The following PLPPR1 variants were observed in gnomAD, a reference collection of about 807,000 sequenced individuals.
The protein encoded by PLPPR1 is phospholipid phosphatase related 1.
Under a neutral mutation model 33.1 loss-of-function variants are expected in PLPPR1, and 10 were observed. That is an observed-to-expected ratio of 0.30 (90% CI 0.19 to 0.51). The LOEUF is 0.51. Ranked by LOEUF, PLPPR1 falls within the 20% of genes least tolerant of loss-of-function variation. The probability of loss-of-function intolerance (pLI) is 0.97; values close to 1 mark genes in which losing one functional copy is unlikely to be tolerated. For missense variants in PLPPR1, 304 were observed against 408.1 expected (o/e 0.74, Z 2.20); for synonymous variants, 151 against 151.0 (o/e 1.00, Z 0.00).
intron 2 of PLPPR1, among the ~76,000 whole-genome samples, chr9:101,264,378 C>A (rs1827949370): frequency 6.6e-6 from 1 of 152,116 alleles, no homozygotes; most frequent in Non-Finnish European, 1.5e-5. Flanking sequence ...CACCACACAG[C>A]CCTCTCCTTC....
rs577393134 is a variant in PLPPR1, at chr9:101,036,655, A to C, written c.-46+7553A>C. 6.7e-5 allele frequency among the ~76,000 whole-genome samples: 10 copies of C among 149,850 alleles called. No homozygotes were observed. The South Asian group carries it at 2.2e-3, about 32-fold the overall frequency. ...TGAAGATTTGAGGTCAGAAGGTAGA[A>C]TGGCCAAGCTTGGAAGGTAGAATGA... On this transcript the variant is annotated intron_variant, in intron 1 of 7. Coordinates refer to ENST00000374874, the MANE Select transcript of PLPPR1 (RefSeq NM_207299.2).
chr9:101,244,197 G>T (rs1449048888), intron 2 of PLPPR1, among the ~76,000 whole-genome samples: 1 of 151,878 alleles, frequency 6.6e-6, no homozygotes, highest in Non-Finnish European at 1.5e-5. Flanking sequence ...GAGAAGAGTG[G>T]AGGAAGTCAA....
At chr9:101,304,033 T>G (rs1420499257) in intron 4 of PLPPR1, among the ~76,000 whole-genome samples, 18 of 151,702 alleles carry the variant, frequency 1.2e-4, no homozygotes, top group Non-Finnish European at 1.0e-4. Context: ...TACTCTAAGG[T>G]TTTTTTTATT....
intron 1 of PLPPR1, among the ~76,000 whole-genome samples, chr9:101,122,723 T>C (rs1474837744): frequency 6.6e-6 from 1 of 152,170 alleles, no homozygotes; most frequent in African/African-American, 2.4e-5. Context: ...AAATACTCTG[T>C]TCTAAATATG....
At chr9:101,079,055 G>A (rs547018965) in intron 1 of PLPPR1, among the ~76,000 whole-genome samples, 14 of 152,236 alleles carry the variant, frequency 9.2e-5, no homozygotes, top group Non-Finnish European at 1.9e-4. Context: ...ATTTTAATAT[G>A]TTGGTGAGGA....
chr9:101,204,859 A>G (rs759192828), intron 2 of PLPPR1, among the ~76,000 whole-genome samples: 4 of 152,050 alleles, frequency 2.6e-5, no homozygotes, highest in East Asian at 3.9e-4. Context: ...GTAAGACTCA[A>G]TTTTACTAGG....
intron 7 of PLPPR1, among the ~76,000 whole-genome samples, chr9:101,323,432 C>G (rs1420502753): frequency 6.9e-6 from 1 of 145,864 alleles, no homozygotes; most frequent in Non-Finnish European, 1.5e-5. Context: ...CAGATCAAGG[C>G]TGTACTCCAG....
intron 2 of PLPPR1, among the ~76,000 whole-genome samples, chr9:101,210,955 A>G (rs1011672179): frequency 6.6e-5 from 10 of 151,778 alleles, no homozygotes; most frequent in African/African-American, 2.4e-4. Flanking sequence ...TTTTAGTAGA[A>G]ACGGGGTTTC....
Position 101,240,185 on chromosome 9 carries a change from G to A in PLPPR1, c.64-29695G>A, listed in dbSNP as rs556822641. ...CCCAGTGTATATTCCCAGCACCTTT[G>A]TTGAAAAATCAGTTTACTCCGAATA... is the stretch of plus-strand genomic sequence containing the variant. On this transcript the variant is annotated intron_variant, in intron 2 of 7. Transcript: ENST00000374874. Among the ~76,000 whole-genome samples, 24 of 151,976 alleles carry A rather than the reference G, an allele frequency of 1.6e-4. No individual in the cohort carries two copies. The South Asian group carries it at 4.8e-3, about 30-fold the overall frequency.
chr9:101,220,772 A>G (rs971063693), intron 2 of PLPPR1, among the ~76,000 whole-genome samples: 7 of 152,210 alleles, frequency 4.6e-5, no homozygotes, highest in African/African-American at 1.4e-4. Flanking sequence ...TCATTGAGTC[A>G]TATGCCCATC....
chr9:101,196,671 C>A (rs1219696262), intron 2 of PLPPR1, among the ~76,000 whole-genome samples: 1 of 152,128 alleles, frequency 6.6e-6, no homozygotes, highest in African/African-American at 2.4e-5. Flanking sequence ...ACCATCCTGG[C>A]TAACACGGTG....
rs141437041 is a variant in PLPPR1 at position 101,248,627 on chromosome 9, C to G, written c.64-21253C>G. 1.3e-5 allele frequency among the ~76,000 whole-genome samples: 2 copies of G among 152,154 alleles called. 1 individual carries two copies. The highest frequency in any genetic ancestry group is 3.9e-4 in the East Asian group (2 of 5,148). The stretch of plus-strand genomic sequence containing the variant: ...GGATATCCACAGAGTGACAGTTTTT[C>G]ATACGAATCAGGAGATTATGAGCTC... On this transcript the variant is annotated intron_variant, in intron 2 of 7. Coordinates refer to ENST00000374874, the MANE Select transcript of PLPPR1 (RefSeq NM_207299.2).
At chr9:101,086,210 T>G (rs960184580) in intron 1 of PLPPR1, among the ~76,000 whole-genome samples, 8 of 152,202 alleles carry the variant, frequency 5.3e-5, no homozygotes, top group Non-Finnish European at 8.8e-5. Context: ...TGTCATCACT[T>G]GAGCTCTTTG....
chr9:101,256,662 A>G (rs1185650861), intron 2 of PLPPR1, among the ~76,000 whole-genome samples: 2 of 152,212 alleles, frequency 1.3e-5, no homozygotes, highest in Admixed American at 6.5e-5. Context: ...TTGCTATGAC[A>G]TATGCATAAT....
chr9:101,221,343 T>G (rs769481533), intron 2 of PLPPR1, among the ~76,000 whole-genome samples: 1 of 152,122 alleles, frequency 6.6e-6, no homozygotes, highest in Non-Finnish European at 1.5e-5. Context: ...GAGATAAGTG[T>G]CCAGGGACAG....
chr9:101,205,589 T>C (rs1233314209), intron 2 of PLPPR1, among the ~76,000 whole-genome samples: 2 of 152,198 alleles, frequency 1.3e-5, no homozygotes, highest in African/African-American at 4.8e-5. Flanking sequence ...TTTTTTGATG[T>C]TCATAAAGTT....
intron 1 of PLPPR1, among the ~76,000 whole-genome samples, chr9:101,114,988 A>C (rs1831101834): frequency 6.6e-6 from 1 of 152,142 alleles, no homozygotes; most frequent in South Asian, 2.1e-4. Flanking sequence ...TCTTGTAGCT[A>C]ATTATGTTTC....
intron 2 of PLPPR1, among the ~76,000 whole-genome samples, chr9:101,257,085 T>G (rs916692226): frequency 2.6e-5 from 4 of 152,092 alleles, no homozygotes; most frequent in African/African-American, 9.7e-5. Flanking sequence ...TTTAAATGAC[T>G]GTATGCCAAA....
chr9:101,254,523 G>C (rs1397842902), intron 2 of PLPPR1, among the ~76,000 whole-genome samples: 3 of 152,096 alleles, frequency 2.0e-5, no homozygotes, highest in African/African-American at 7.2e-5. Context: ...CCACAGACCA[G>C]GGGGGTTGTG....
Sources: gnomAD v4.1 joint callset for allele counts (sites outside exome capture counted in the v4.1 genomes callset) on GRCh38, gnomAD v4.1.1 for gene constraint, MANE v1.5 for transcripts, NCBI Gene and HGNC (gene_info 2026-07-23, HGNC 2026-07-21) for gene names.